ZSCAN5B: variants seen among roughly 807,000 people sequenced by gnomAD.
ZSCAN5B encodes the protein zinc finger and SCAN domain containing 5B.
ZSCAN5B carries 26 observed loss-of-function variants against 25.2 expected under a neutral mutation model. That is an observed-to-expected ratio of 1.03 (90% confidence interval 0.76 to 1.43). The LOEUF (loss-of-function observed/expected upper bound fraction) is 1.43. Among genes scored for constraint, ZSCAN5B ranks in the 40% most tolerant of loss-of-function variants. The pLI is 0.00. For missense variants in ZSCAN5B, 745 were observed against 622.1 expected, an observed-to-expected ratio of 1.20 and a Z score of -2.10; for synonymous variants, 244 against 240.9, an observed-to-expected ratio of 1.01 and a Z score of -0.12.
Position 56,191,982 on chromosome 19 carries a change from GGC to G in ZSCAN5B, c.454_455del (p.Ala152GlnfsTer5). On this transcript the variant is annotated frameshift_variant, in exon 3 of 5. Transcript: ENST00000586855. LOFTEE classifies it high-confidence loss of function. Reference sequence around the variant, plus strand: ...CGTCTCTCGGATCATCTCTGACACTGGCGGGGGCTTCAGCCATCTCGACATCT... The same window carrying G: ...CGTCTCTCGGATCATCTCTGACACTGGGGGGCTTCAGCCATCTCGACATCT... The G allele has an allele frequency of 6.2e-7, 1 of 1,614,020 alleles. No homozygotes were observed. Among genetic ancestry groups the G allele is most frequent in the East Asian group, 2.2e-5 (1 of 44,868 alleles).
rs991612622 is a variant in ZSCAN5B at position 56,190,151 on chromosome 19, A to C, written c.1164T>G (p.Cys388Trp). The C allele has an allele frequency of 2.2e-5, 35 of 1,613,902 alleles. No individual in the cohort carries two copies. Among genetic ancestry groups the C allele is most frequent in the Non-Finnish European group, 3.0e-5 (35 of 1,179,924 alleles). ...CTGAGGGCTGCAAGAAGCGCTTCCG[A>C]CAGAGATCACATTGAAAGGGTCTGT... is the stretch of plus-strand genomic sequence containing the variant. The change falls in exon 5 of 5, where the codon TGT becomes TGG. Residue 388 changes from cysteine (C) to tryptophan (W), a missense_variant. Cys to Trp is a radical substitution (Grantham distance 215, BLOSUM62 -2). Coordinates refer to ENST00000586855, the Ensembl canonical transcript of ZSCAN5B.
At chr19:56,193,616 T>C (rs565460732) in intron 1 of ZSCAN5B, among the ~76,000 whole-genome samples, 1 of 152,354 alleles carries the variant, frequency 6.6e-6, no homozygotes, top group South Asian at 2.1e-4. Flanking sequence ...CAACACATTT[T>C]TCCTGTTAAC....
intron 1 of ZSCAN5B, among the ~76,000 whole-genome samples, chr19:56,195,612 G>A (rs919203578): frequency 9.2e-5 from 14 of 151,868 alleles, no homozygotes; most frequent in Admixed American, 3.9e-4. Context: ...TGCATGAGCC[G>A]GCAATCCCGC....
At chr19:56,196,499 G>A (rs1391883131) in intron 1 of ZSCAN5B, among the ~76,000 whole-genome samples, 1 of 81,496 alleles carries the variant, frequency 1.2e-5, no homozygotes, top group Non-Finnish European at 3.2e-5. Context: ...TGATAAGACA[G>A]TGAGGTAGAG....
At chr19:56,191,022 G>A (rs996351076) in intron 3 of ZSCAN5B, 35 bp from the exon 4 acceptor site, 4 of 1,613,390 alleles carry the variant, frequency 2.5e-6, no homozygotes, top group African/African-American at 2.7e-5. Context: ...TGACTGCCGT[G>A]TCTATACTGG....
chr19:56,191,399 G>A (rs905373112), intron 3 of ZSCAN5B, among the ~76,000 whole-genome samples: 4 of 152,100 alleles, frequency 2.6e-5, no homozygotes, highest in Non-Finnish European at 5.9e-5. Flanking sequence ...CCACCCCTGA[G>A]AATGCCAAAC....
rs775303355 is a variant in ZSCAN5B at position 56,189,939 on chromosome 19, C to G, written c.1376G>C (p.Arg459Pro). 3.1e-6 allele frequency: 5 copies of G among 1,613,974 alleles called. No individual in the cohort carries two copies. The South Asian group carries it at 4.4e-5, about 14-fold the overall frequency. The change falls in exon 5 of 5, where the codon CGC (arginine) becomes CCC (proline). Residue 459 changes from arginine (R) to proline (P), a missense_variant. Transcript: ENST00000586855. ...GTAGGGCTTCTCTCCGGAGTGGGTG[C>G]GCTGGTGAACGTTCAGGTTCCCCTT...
chr19:56,197,119 A>C (rs1034363086), intron 1 of ZSCAN5B, among the ~76,000 whole-genome samples: 1 of 152,206 alleles, frequency 6.6e-6, no homozygotes, highest in Non-Finnish European at 1.5e-5. Flanking sequence ...TCTGAAAAAT[A>C]AAATGAAACA....
At chr19:56,192,016 A>G in exon 3 of ZSCAN5B, 2 of 1,613,750 alleles carry the variant, frequency 1.2e-6, no homozygotes, top group Non-Finnish European at 1.7e-6. Context: ...ATCTGAGTTC[A>G]GCATAAGATA....
rs376547538 is a variant in ZSCAN5B at position 56,194,321 on chromosome 19, G to C, written c.-127-1142C>G. ...TTTTTCTTTTTTCTTTTTGAGACAG[G>C]GTCTTGCTCTGTCATCCAGGCTGGA... On this transcript the variant is annotated intron_variant, in intron 1 of 4. Coordinates refer to ENST00000586855, the Ensembl canonical transcript of ZSCAN5B. 1.4e-3 allele frequency among the ~76,000 whole-genome samples: 218 copies of C among 152,154 alleles called. 1 individual carries two copies. The highest frequency in any genetic ancestry group is 5.1e-3 in the African/African-American group (212 of 41,498).
At chr19:56,189,902 G>A in exon 5 of ZSCAN5B, 1 of 1,613,986 alleles carries the variant, frequency 6.2e-7, no homozygotes, top group East Asian at 2.2e-5. Context: ...CCTTTTGACA[G>A]GTGGGACATT....
chr19:56,191,940 G>A, exon 3 of ZSCAN5B: 1 of 1,614,100 alleles, frequency 6.2e-7, no homozygotes, highest in Non-Finnish European at 8.5e-7. Flanking sequence ...TCACAGAGGA[G>A]GCCCACTGGC....
chr19:56,190,298 G>A (rs769546975), exon 5 of ZSCAN5B: 5 of 1,614,084 alleles, frequency 3.1e-6, no homozygotes, highest in African/African-American at 2.7e-5. Flanking sequence ...GACTGACCGG[G>A]CCCGCAGGGC....
At chr19:56,193,087 A>C (rs575451380) in exon 2 of ZSCAN5B, 276 of 1,497,964 alleles carry the variant, frequency 1.8e-4, no homozygotes, top group South Asian at 1.1e-3. Context: ...GCCTCTGAGC[A>C]AGCTCTTCCA....
At chr19:56,190,945 C>G (rs1013813516) in exon 4 of ZSCAN5B, 2 of 1,613,952 alleles carry the variant, frequency 1.2e-6, no homozygotes, top group Non-Finnish European at 1.7e-6. Flanking sequence ...GAGTTTGGGT[C>G]ACCTGTTACG....
At chr19:56,190,434 C>T (rs778624757) in exon 5 of ZSCAN5B, 1 of 1,614,100 alleles carries the variant, frequency 6.2e-7, no homozygotes, top group Non-Finnish European at 8.5e-7. Context: ...TTTGGGACTG[C>T]TCAGATTCAG....
chr19:56,193,540 G>C (rs1200574064), intron 1 of ZSCAN5B, among the ~76,000 whole-genome samples: 2 of 152,194 alleles, frequency 1.3e-5, no homozygotes, highest in Non-Finnish European at 2.9e-5. Flanking sequence ...CCAAGGCAAA[G>C]CCCTTAGTCA....
chr19:56,190,964 C>T (rs2032724383), exon 4 of ZSCAN5B: 3 of 1,614,046 alleles, frequency 1.9e-6, no homozygotes, highest in South Asian at 1.1e-5. Flanking sequence ...CGTCAATACT[C>T]TTGTGTAGCA....
chr19:56,192,731 C>T (rs774355736), exon 2 of ZSCAN5B: 12 of 1,600,744 alleles, frequency 7.5e-6, no homozygotes, highest in East Asian at 4.5e-5. Flanking sequence ...CTCTGCACAC[C>T]GTTCACCTTG....
Sources: allele counts gnomAD v4.1 joint callset (sites outside exome capture counted in the v4.1 genomes callset), GRCh38; gene constraint gnomAD v4.1.1; transcripts MANE v1.5; gene names NCBI Gene and HGNC (gene_info 2026-07-23, HGNC 2026-07-21).